Variants in CHL1 observed in about 807,000 individuals in gnomAD.
The protein encoded by CHL1 is neural cell adhesion molecule L1-like protein.
In CHL1, 96 loss-of-function variants were observed where a neutral mutation model predicts 141.9. The ratio of observed to expected loss-of-function variants is 0.68; its 90% CI spans 0.57 to 0.80. The LOEUF (loss-of-function observed/expected upper bound fraction) is 0.80. Among genes scored for constraint, CHL1 ranks in the 30% least tolerant of loss-of-function variants. The pLI is 0.00. For synonymous variants in CHL1, 613 were observed against 502.2 expected (o/e 1.22, Z -2.95); for missense variants, 1,820 against 1,457.2 (o/e 1.25, Z -4.05).
chr3:284,819 C>G (rs1479413934), intron 2 of CHL1, among the ~76,000 whole-genome samples: 1 of 151,300 alleles, frequency 6.6e-6, no homozygotes, highest in African/African-American at 2.4e-5. Context: ...TTAATCAGAC[C>G]TTGGGATAAT....
intron 2 of CHL1, among the ~76,000 whole-genome samples, chr3:255,176 G>C (rs1055666489): frequency 2.0e-5 from 3 of 152,118 alleles, no homozygotes; most frequent in African/African-American, 7.2e-5. Context: ...CATAATTACA[G>C]TCTCAAACAG....
At chr3:212,074 T>C (rs978150828) in intron 1 of CHL1, among the ~76,000 whole-genome samples, 1 of 152,146 alleles carries the variant, frequency 6.6e-6, no homozygotes, top group Admixed American at 6.5e-5. Flanking sequence ...TGACATAACC[T>C]AAAATGTTAT....
chr3:228,366 G>T (rs1377585764), intron 1 of CHL1, among the ~76,000 whole-genome samples: 2 of 151,956 alleles, frequency 1.3e-5, no homozygotes, highest in Admixed American at 1.3e-4. Flanking sequence ...AAAAATATTT[G>T]TACTATTTCC....
At chr3:258,937 T>G (rs1405744756) in intron 2 of CHL1, among the ~76,000 whole-genome samples, 1 of 148,118 alleles carries the variant, frequency 6.8e-6, no homozygotes, top group African/African-American at 2.6e-5. Flanking sequence ...GCAACATCTT[T>G]TTTTTTTTTT....
chr3:230,177 A>G (rs761674019), intron 1 of CHL1, among the ~76,000 whole-genome samples: 1 of 152,220 alleles, frequency 6.6e-6, no homozygotes, highest in Non-Finnish European at 1.5e-5. Context: ...TGTATAATAA[A>G]TTCTGAGCAT....
chr3:214,683 C>T (rs1278753636), intron 1 of CHL1, among the ~76,000 whole-genome samples: 2 of 152,108 alleles, frequency 1.3e-5, no homozygotes, highest in Non-Finnish European at 2.9e-5. Context: ...TCTGATAGCC[C>T]TTACATAATG....
At chr3:278,598 T>A (rs1696361582) in intron 2 of CHL1, among the ~76,000 whole-genome samples, 1 of 152,214 alleles carries the variant, frequency 6.6e-6, no homozygotes, top group Non-Finnish European at 1.5e-5. Context: ...TAACCTGTTT[T>A]CCTGTTTGAT....
intron 1 of CHL1, among the ~76,000 whole-genome samples, chr3:224,199 G>T (rs1701119420): frequency 6.6e-6 from 1 of 152,062 alleles, no homozygotes; most frequent in South Asian, 2.1e-4. Context: ...GGAGTAGTTT[G>T]GGGAAGGGCT....
At chr3:259,757 C>A (rs920091411) in intron 2 of CHL1, among the ~76,000 whole-genome samples, 8 of 152,054 alleles carry the variant, frequency 5.3e-5, no homozygotes, top group African/African-American at 1.9e-4. Flanking sequence ...ATTAAATGAA[C>A]AATTGAATAA....
At chr3:304,395 T>C (rs546666171) in intron 2 of CHL1, among the ~76,000 whole-genome samples, 2 of 152,206 alleles carry the variant, frequency 1.3e-5, no homozygotes, top group Non-Finnish European at 2.9e-5. Flanking sequence ...TGGTAGATTA[T>C]TGATTACTTC....
intron 27 of CHL1, among the ~76,000 whole-genome samples, chr3:404,755 T>G (rs1709399967): frequency 6.6e-6 from 1 of 152,198 alleles, no homozygotes; most frequent in Non-Finnish European, 1.5e-5. Flanking sequence ...AGATCAAGAC[T>G]TGGAGGCCAG....
chr3:408,202 T>G lies in CHL1; in HGVS notation c.*2491T>G, dbSNP rs1019467954. ...AAATTGGTGATGCTTGTTTGCAAAT[T>G]GCCCACTCGTGATAAGTCAACAGCC... On this transcript the variant is annotated 3_prime_UTR_variant, in exon 28 of 28. Transcript: ENST00000256509. 6.6e-6 allele frequency: 1 copy of G among 152,118 alleles called. No individual in the cohort carries two copies. Among genetic ancestry groups the G allele is most frequent in the African/African-American group, 2.4e-5 (1 of 41,440 alleles). The allele number at this position is 152,118 out of a possible 1,614,324, so 9.4% of individuals were successfully genotyped here.
At chr3:298,621 A>G (rs151007838) in intron 2 of CHL1, among the ~76,000 whole-genome samples, 94 of 152,338 alleles carry the variant, frequency 6.2e-4, no homozygotes, top group African/African-American at 2.2e-3. Flanking sequence ...TCTAAATGCC[A>G]TTAACTTGCT....
chr3:315,223 C>T (rs1398415971), intron 2 of CHL1, among the ~76,000 whole-genome samples: 1 of 152,146 alleles, frequency 6.6e-6, no homozygotes, highest in African/African-American at 2.4e-5. Context: ...GTGTGCTATA[C>T]AGCAGCAACT....
Position 382,540 on chromosome 3 carries a change from A to C in CHL1, c.2045A>C (p.Gln682Pro), listed in dbSNP as rs924239136. The C allele has an allele frequency of 8.1e-6, 13 of 1,613,994 alleles. No homozygotes were observed. Among genetic ancestry groups the C allele is most frequent in the Non-Finnish European group, 1.1e-5 (13 of 1,179,892 alleles). Reference protein sequence around the residue: ...PGRWEELTRVQGKKTTVILPL... With the variant: ...PGRWEELTRVPGKKTTVILPL... ...AGGTGGGAGGAACTGACCAGAGTCC[A>C]AGGAAAGAAAACCACAGTTATCTTA... The change falls in exon 18 of 28, where the codon CAA (glutamine) becomes CCA (proline). Residue 682 changes from glutamine to proline, a missense_variant. Physicochemically the swap from Gln to Pro is moderately conservative, Grantham distance 76. Coordinates refer to ENST00000256509, the MANE Select transcript of CHL1 (RefSeq NM_006614.4).
chr3:324,832 T>C (rs911031402), intron 3 of CHL1, among the ~76,000 whole-genome samples: 1 of 151,778 alleles, frequency 6.6e-6, no homozygotes, highest in Admixed American at 6.6e-5. Flanking sequence ...TTAAGTGACC[T>C]TCCCACCTCA....
At position 288,559 on chromosome 3, in the gene CHL1, G is replaced by T. The variant is rs942177773; in HGVS notation, c.-94-31124G>T. The stretch of plus-strand genomic sequence containing the variant: ...GTTGCATTGCCACAGATCCTATCAT[G>T]ATCCCTGGGCTGCTGTTTCACACAC... On this transcript the variant is annotated intron_variant, in intron 2 of 27. Transcript: ENST00000256509. Among the ~76,000 whole-genome samples, 4 of 152,238 alleles carry T rather than the reference G, an allele frequency of 2.6e-5. No individual in the cohort carries two copies. The East Asian group carries it at 7.7e-4, about 29-fold the overall frequency.
In CHL1 at chr3:394,727, T is replaced by C. The variant is rs752568028; in HGVS notation, c.2949T>C (p.Asp983=). 1.9e-6 allele frequency: 3 copies of C among 1,613,220 alleles called. No homozygotes were observed. The South Asian group carries it at 3.3e-5, about 18-fold the overall frequency. ...NDTYEIGELN[D]INITTPSKPS... ...CCTACGAGATTGGAGAATTAAATGA[T>C]ATTAACATTACAACTCCATCAAAGC... is the stretch of plus-strand genomic sequence containing the variant. The change falls in exon 24 of 28, where the codon GAT becomes GAC. Residue 983 remains aspartate (D), a synonymous_variant. Coordinates refer to ENST00000256509, the MANE Select transcript of CHL1 (RefSeq NM_006614.4).
At chr3:368,586 C>T (rs995665695) in intron 15 of CHL1, among the ~76,000 whole-genome samples, 1 of 152,112 alleles carries the variant, frequency 6.6e-6, no homozygotes, top group Non-Finnish European at 1.5e-5. Flanking sequence ...TGCAGAAGTG[C>T]TTTAGTTTGA....
Sources: gnomAD v4.1 joint callset for allele counts (sites outside exome capture counted in the v4.1 genomes callset) on GRCh38, gnomAD v4.1.1 for gene constraint, MANE v1.5 for transcripts, NCBI Gene and HGNC (gene_info 2026-07-23, HGNC 2026-07-21) for gene names.